Variants in GPATCH2 observed in about 807,000 individuals in gnomAD.
GPATCH2 encodes the protein G patch domain-containing protein 2.
GPATCH2 carries 51 observed loss-of-function variants against 58.0 expected under a neutral mutation model. The ratio of observed to expected loss-of-function variants is 0.88; its 90% CI spans 0.70 to 1.11. GPATCH2 has a LOEUF of 1.11. GPATCH2 is among the 50% of genes most tolerant of loss of function. The pLI is 0.00. For missense variants in GPATCH2, 625 were observed against 652.2 expected, an observed-to-expected ratio of 0.96 and a Z score of 0.45; for synonymous variants, 222 against 218.5, an observed-to-expected ratio of 1.02 and a Z score of -0.14.
chr1:217,588,902 A>G (rs938408257), intron 5 of GPATCH2, among the ~76,000 whole-genome samples: 6 of 152,180 alleles, frequency 3.9e-5, no homozygotes, highest in Admixed American at 2.0e-4. Context: ...TTTTAAACAC[A>G]ATTTATTAAG....
intron 6 of GPATCH2, among the ~76,000 whole-genome samples, chr1:217,504,190 T>G (rs1370896113): frequency 6.6e-6 from 1 of 152,078 alleles, no homozygotes. Flanking sequence ...CAAAAAAAGT[T>G]TTACCCAGGA....
intron 1 of GPATCH2, among the ~76,000 whole-genome samples, chr1:217,624,725 T>A (rs1669369154): frequency 6.6e-6 from 1 of 152,254 alleles, no homozygotes; most frequent in Non-Finnish European, 1.5e-5. Context: ...CTGTACTTAC[T>A]GAACAACCAG....
At chr1:217,446,679 T>G (rs1659399254) in intron 9 of GPATCH2, among the ~76,000 whole-genome samples, 1 of 151,992 alleles carries the variant, frequency 6.6e-6, no homozygotes, top group African/African-American at 2.4e-5. Context: ...ATCTTCTAAG[T>G]AAAAATGTAG....
intron 5 of GPATCH2, among the ~76,000 whole-genome samples, chr1:217,606,038 T>C (rs1465013555): frequency 6.6e-6 from 1 of 152,110 alleles, no homozygotes; most frequent in Non-Finnish European, 1.5e-5. Context: ...TTTACTACGA[T>C]GGCAACAGTA....
At chr1:217,481,495 A>T (rs555748242) in intron 8 of GPATCH2, among the ~76,000 whole-genome samples, 16 of 152,302 alleles carry the variant, frequency 1.1e-4, no homozygotes, top group African/African-American at 3.8e-4. Flanking sequence ...GTATTTTGTT[A>T]TAAGTTTATA....
intron 8 of GPATCH2, among the ~76,000 whole-genome samples, chr1:217,458,182 A>T (rs1660040556): frequency 6.6e-6 from 1 of 152,200 alleles, no homozygotes; most frequent in Non-Finnish European, 1.5e-5. Context: ...GTGAGCCGAG[A>T]TCGCGCCACT....
At chr1:217,589,273 C>T (rs1314407275) in intron 5 of GPATCH2, among the ~76,000 whole-genome samples, 3 of 149,760 alleles carry the variant, frequency 2.0e-5, no homozygotes, top group Non-Finnish European at 4.4e-5. Flanking sequence ...TTTTCTGCTT[C>T]ATGCCATCAC....
In GPATCH2 at chr1:217,488,126, C is replaced by T. The variant is rs139964594; in HGVS notation, c.1277+3554G>A. ...GTAAAGGAATATATTTTTTATGATC[C>T]ATATTCACTGAAATTTGTTGATACT... On this transcript the variant is annotated intron_variant, in intron 8 of 9. Transcript: ENST00000366935. Among the ~76,000 whole-genome samples the T allele has an allele frequency of 2.6e-3, 401 of 152,124 alleles. 1 individual carries two copies. The highest frequency in any genetic ancestry group is 0.02 in the Middle Eastern group (6 of 294).
intron 5 of GPATCH2, among the ~76,000 whole-genome samples, chr1:217,521,688 TGTG>T (rs1312570217): frequency 2.6e-5 from 4 of 152,270 alleles, no homozygotes; most frequent in Admixed American, 6.5e-5. Context: ...GATGAGAATA[TGTG>T]AAAGAACTTG....
rs372256294 is a variant in GPATCH2 at position 217,430,373 on chromosome 1, T to C, written c.*772A>G. ...AGAGGTAGAAGTACATCTGGATTAA[T>C]AGAATTTACAGTTCAATCACGGTGA... On this transcript the variant is annotated 3_prime_UTR_variant, in exon 10 of 10. Coordinates refer to ENST00000366935, the MANE Select transcript of GPATCH2 (RefSeq NM_018040.5). 5 of 152,252 alleles carry C rather than the reference T, an allele frequency of 3.3e-5. No individual in the cohort carries two copies. In the East Asian group the frequency reaches 5.8e-4, roughly 18 times the overall value. 9.4% of individuals were successfully genotyped at this position (152,252 alleles called of 1,614,324 possible).
intron 1 of GPATCH2, among the ~76,000 whole-genome samples, chr1:217,627,360 G>C (rs942943275): frequency 2.0e-5 from 3 of 151,844 alleles, no homozygotes; most frequent in African/African-American, 7.2e-5. Flanking sequence ...TCTGAATGTC[G>C]GGAAAAGGAA....
At chr1:217,519,821 G>A (rs1173970332) in intron 5 of GPATCH2, among the ~76,000 whole-genome samples, 2 of 152,028 alleles carry the variant, frequency 1.3e-5, no homozygotes, top group Non-Finnish European at 2.9e-5. Context: ...GTAACCTAAT[G>A]TACATATAAA....
At chr1:217,568,199 T>C (rs1207694890) in intron 5 of GPATCH2, among the ~76,000 whole-genome samples, 1 of 152,160 alleles carries the variant, frequency 6.6e-6, no homozygotes. Context: ...AAAGAAAATA[T>C]TTATATCTAC....
intron 5 of GPATCH2, among the ~76,000 whole-genome samples, chr1:217,562,438 A>T (rs538248711): frequency 0.011 from 1,664 of 152,256 alleles, 24 homozygotes; most frequent in Middle Eastern, 0.048. Context: ...AACTTATGGG[A>T]ATCAAGGGCT....
At chr1:217,609,725 T>C (rs1166873931) in intron 5 of GPATCH2, 1 of 948,118 alleles carries the variant, frequency 1.1e-6, no homozygotes, top group Non-Finnish European at 1.3e-6. Context: ...TAAATGTCAA[T>C]GCATCATGAT....
rs571855174 is a variant in GPATCH2 at position 217,459,479 on chromosome 1, T to C, written c.1278-10142A>G. On this transcript the variant is annotated intron_variant, in intron 8 of 9. Coordinates refer to ENST00000366935, the MANE Select transcript of GPATCH2 (RefSeq NM_018040.5). The stretch of plus-strand genomic sequence containing the variant: ...ACAGTACCTAGGAAATAGTAGGCAC[T>C]TACTAAACTGTTTACCTCATTCTCA... Among the ~76,000 whole-genome samples the C allele has an allele frequency of 5.3e-5, 8 of 152,324 alleles. No homozygotes were observed. The South Asian group carries it at 1.7e-3, about 32-fold the overall frequency.
At chr1:217,518,532 G>C (rs1197020979) in intron 5 of GPATCH2, among the ~76,000 whole-genome samples, 1 of 152,040 alleles carries the variant, frequency 6.6e-6, no homozygotes, top group Non-Finnish European at 1.5e-5. Flanking sequence ...CAAACCCAAT[G>C]CATGCCATAC....
intron 9 of GPATCH2, among the ~76,000 whole-genome samples, chr1:217,441,328 T>C (rs911927209): frequency 4.1e-5 from 6 of 147,046 alleles, no homozygotes; most frequent in Admixed American, 1.3e-4. Flanking sequence ...ACTGGACCCC[T>C]TCCTTACATC....
intron 6 of GPATCH2, among the ~76,000 whole-genome samples, chr1:217,509,566 C>T (rs1662736763): frequency 6.6e-6 from 1 of 152,116 alleles, no homozygotes; most frequent in African/African-American, 2.4e-5. Flanking sequence ...CTATAAAAAT[C>T]AAGTGACTAG....
Sources: allele counts gnomAD v4.1 joint callset (sites outside exome capture counted in the v4.1 genomes callset), GRCh38; gene constraint gnomAD v4.1.1; transcripts MANE v1.5; gene names NCBI Gene and HGNC (gene_info 2026-07-23, HGNC 2026-07-21).